RFX7: variants seen among roughly 807,000 people sequenced by gnomAD.
RFX7 encodes DNA-binding protein RFX7.
In RFX7, 26 loss-of-function variants were observed where a neutral mutation model predicts 111.8. That is an observed-to-expected ratio of 0.23 (90% confidence interval 0.17 to 0.32). The LOEUF is 0.32. Ranked by LOEUF, RFX7 falls within the 10% of genes least tolerant of loss-of-function variation. The pLI is 1.00. For missense variants in RFX7, 1,573 were observed against 1,772.9 expected (o/e 0.89, Z 2.02); for synonymous variants, 624 against 624.4 (o/e 1.00, Z 0.01).
At chr15:56,119,213 C>G (rs1455800159) in intron 5 of RFX7, among the ~76,000 whole-genome samples, 1 of 152,152 alleles carries the variant, frequency 6.6e-6, no homozygotes, top group Admixed American at 6.6e-5. Context: ...CTGTCCACTT[C>G]TGCTTTGGTT....
At chr15:56,118,627 G>C (rs1159127438) in intron 5 of RFX7, among the ~76,000 whole-genome samples, 1 of 152,090 alleles carries the variant, frequency 6.6e-6, no homozygotes, top group Non-Finnish European at 1.5e-5. Flanking sequence ...CCAAATCTTG[G>C]TTATTGGGAA....
chr15:56,130,416 TG>T, intron 5 of RFX7, among the ~76,000 whole-genome samples: 1 of 148,104 alleles, frequency 6.8e-6, no homozygotes, highest in Non-Finnish European at 1.5e-5. Context: ...CTCAAACACC[TG>T]AAAAATTTAA....
intron 5 of RFX7, among the ~76,000 whole-genome samples, chr15:56,128,796 TA>T (rs2042176843): frequency 1.3e-5 from 2 of 151,890 alleles, no homozygotes; most frequent in African/African-American, 4.8e-5. Flanking sequence ...ATGAAATAGA[TA>T]AAAAAATCCT....
At chr15:56,208,936 T>C (rs76712141) in intron 2 of RFX7, among the ~76,000 whole-genome samples, 10,256 of 151,750 alleles carry the variant, frequency 0.068, 449 homozygotes, top group Non-Finnish European at 0.1. Context: ...GGGTGTAACA[T>C]ATGTGTAATG....
In RFX7 at chr15:56,118,921, A is replaced by G. The variant is rs193257571; in HGVS notation, c.402-15251T>C. ...GGTGAGACTATATATTGTTGTTTTGATTTGTATTTCTCTAATGAACAATGA... is the reference window on the plus strand; with the variant it reads ...GGTGAGACTATATATTGTTGTTTTGGTTTGTATTTCTCTAATGAACAATGA... On this transcript the variant is annotated intron_variant, in intron 5 of 9. Transcript: ENST00000559447. 5.9e-5 allele frequency among the ~76,000 whole-genome samples: 9 copies of G among 152,120 alleles called. No individual in the cohort carries two copies. In the East Asian group the frequency reaches 1.2e-3, roughly 20 times the overall value.
At chr15:56,218,924 A>G (rs72738684) in intron 2 of RFX7, among the ~76,000 whole-genome samples, 19,829 of 152,226 alleles carry the variant, frequency 0.13, 1,693 homozygotes, top group East Asian at 0.44. Context: ...GAATAAATGT[A>G]TATTACAACA....
chr15:56,209,935 C>T (rs1388313326), intron 2 of RFX7, among the ~76,000 whole-genome samples: 3 of 151,684 alleles, frequency 2.0e-5, no homozygotes, highest in East Asian at 1.9e-4. Flanking sequence ...AGAACAAGGA[C>T]GATAAATAGA....
chr15:56,162,881 A>G (rs1292691289), intron 3 of RFX7, among the ~76,000 whole-genome samples: 1 of 152,108 alleles, frequency 6.6e-6, no homozygotes, highest in Non-Finnish European at 1.5e-5. Flanking sequence ...CTTCATTTTG[A>G]AAAGTGCCTA....
chr15:56,125,616 T>TGTGTGA (rs1231088878), intron 5 of RFX7, among the ~76,000 whole-genome samples: 2 of 87,086 alleles, frequency 2.3e-5, no homozygotes, highest in African/African-American at 8.5e-5. Context: ...TGTGAGTGTG[T>TGTGTGA]GTGTGTGTGT....
At chr15:56,117,969 TTTGGC>T (rs1229910390) in intron 5 of RFX7, among the ~76,000 whole-genome samples, 7 of 152,134 alleles carry the variant, frequency 4.6e-5, no homozygotes, top group Non-Finnish European at 7.4e-5. Context: ...ATTTCTTTCC[TTTGGC>T]TAAATGCTCA....
chr15:56,115,450 G>A (rs540949301), intron 5 of RFX7, among the ~76,000 whole-genome samples: 1 of 152,284 alleles, frequency 6.6e-6, no homozygotes, highest in South Asian at 2.1e-4. Flanking sequence ...AGGGGAAACT[G>A]GGGCTGTCTG....
chr15:56,153,685 C>A (rs2042608720), intron 3 of RFX7, among the ~76,000 whole-genome samples: 1 of 152,182 alleles, frequency 6.6e-6, no homozygotes, highest in Non-Finnish European at 1.5e-5. Context: ...CAGCCAGTAT[C>A]ATACTGAATG....
intron 5 of RFX7, among the ~76,000 whole-genome samples, chr15:56,112,588 G>C (rs771555349): frequency 5.3e-5 from 8 of 152,032 alleles, no homozygotes; most frequent in Non-Finnish European, 1.2e-4. Flanking sequence ...TCAGGACATA[G>C]GCATGGGAGA....
At position 56,094,524 on chromosome 15, in the gene RFX7, C is replaced by A; in HGVS notation, c.3204G>T (p.Gly1068=). ...CTGATGAATTACCAACCCCACTATACCCATTATTCATCCATTCAAGCTTGG... is the reference window on the plus strand; with the variant it reads ...CTGATGAATTACCAACCCCACTATAACCATTATTCATCCATTCAAGCTTGG... ...DKTKLEWMNN[G]YSGVGNSSVS... The change falls in exon 10 of 10, where the codon GGG becomes GGT. Residue 1068 remains glycine, a synonymous_variant. Coordinates refer to ENST00000559447, the MANE Select transcript of RFX7 (RefSeq NM_022841.7). 1 of 1,613,906 alleles carries A rather than the reference C, an allele frequency of 6.2e-7. No homozygotes were observed. The highest frequency in any genetic ancestry group is 8.5e-7 in the Non-Finnish European group (1 of 1,179,848).
rs769531485 is a variant in RFX7, at chr15:56,094,955, T to A, written c.2773A>T (p.Met925Leu). The change falls in exon 10 of 10, where the codon ATG becomes TTG. Residue 925 changes from methionine (M) to leucine (L), a missense_variant. This residue lies in a region of RFX7 where 625 missense variants were observed against 632.2 expected (regional missense o/e 0.99). Transcript: ENST00000559447. ...QSQSVTPGAP[M>L]SSHTSSTHFY... ...TGGGTGCTGGAAGTGTGAGATGACA[T>A]TGGAGCTCCTGGAGTTACTGACTGA... 3.2e-5 allele frequency: 51 copies of A among 1,602,322 alleles called. No homozygotes were observed. The highest frequency in any genetic ancestry group is 4.2e-5 in the Non-Finnish European group (49 of 1,174,450).
At chr15:56,178,563 A>T (rs2042929366) in intron 3 of RFX7, among the ~76,000 whole-genome samples, 1 of 152,130 alleles carries the variant, frequency 6.6e-6, no homozygotes, top group African/African-American at 2.4e-5. Flanking sequence ...AACAGTATAG[A>T]GCCTTCGTGT....
At chr15:56,217,687 C>T (rs1470103347) in intron 2 of RFX7, among the ~76,000 whole-genome samples, 3 of 152,154 alleles carry the variant, frequency 2.0e-5, no homozygotes, top group African/African-American at 4.8e-5. Context: ...AGTCTGACTA[C>T]ACATTAGCTG....
chr15:56,130,242 A>G (rs1383768201), intron 5 of RFX7, among the ~76,000 whole-genome samples: 1 of 152,200 alleles, frequency 6.6e-6, no homozygotes, highest in African/African-American at 2.4e-5. Context: ...AATGTAATAT[A>G]CAGAGCTACA....
rs2041646557 is a variant in RFX7, at chr15:56,094,686, G to A, written c.3042C>T (p.Pro1014=). The A allele has an allele frequency of 6.2e-7, 1 of 1,613,842 alleles. No individual in the cohort carries two copies. The highest frequency in any genetic ancestry group is 1.7e-5 in the Admixed American group (1 of 59,988). ...TPHSNCSSSV[P]PSPVECRNPF... is the part of the protein sequence containing the mutation. ...GATTCCTGCATTCAACAGGGCTGGG[G>A]GGGACACTACTGCTGCAGTTAGAAT... Residue 1014 remains proline (P), a synonymous_variant, in exon 10 of 10, where the codon CCC becomes CCT. Transcript: ENST00000559447.
Sources: allele counts gnomAD v4.1 joint callset (sites outside exome capture counted in the v4.1 genomes callset), GRCh38; gene constraint gnomAD v4.1.1; regional missense constraint gnomAD v4.1.1; transcripts MANE v1.5; gene names NCBI Gene and HGNC (gene_info 2026-07-23, HGNC 2026-07-21).